ZNF536: variants seen among roughly 807,000 people sequenced by gnomAD.
ZNF536 encodes the protein zinc finger protein 536.
In ZNF536, 13 loss-of-function variants were observed where a neutral mutation model predicts 84.5. The ratio of observed to expected loss-of-function variants is 0.15; its 90% CI spans 0.10 to 0.24. The LOEUF is 0.24. ZNF536 is among the 10% of genes least tolerant of loss of function. The pLI is 1.00. For missense variants in ZNF536, 1,536 were observed against 1,747.5 expected, an observed-to-expected ratio of 0.88 and a Z score of 2.16; for synonymous variants, 811 against 742.5, an observed-to-expected ratio of 1.09 and a Z score of -1.50.
rs186298565 is a variant in ZNF536 at position 30,416,051 on chromosome 19, C to G, written c.-2-27510C>G. On this transcript the variant is annotated intron_variant, in intron 1 of 4. Transcript: ENST00000355537. ...CATTTCATTATTTTTGTACTACTTT[C>G]ACATGATCTTTCATGTCAGGAATTT... Among the ~76,000 whole-genome samples the G allele has an allele frequency of 2.2e-4, 33 of 152,292 alleles. 1 individual carries two copies. The East Asian group carries it at 5.2e-3, about 24-fold the overall frequency.
upstream of ZNF536, among the ~76,000 whole-genome samples, chr19:30,370,591 C>T (rs2048579428): frequency 6.6e-6 from 1 of 152,168 alleles, no homozygotes; most frequent in Admixed American, 6.5e-5. Context: ...AAACAGCAGA[C>T]AGTGTTCTCT....
At chr19:30,312,863 C>A (rs987969263) in intron 2 of ZNF536, among the ~76,000 whole-genome samples, 1 of 152,254 alleles carries the variant, frequency 6.6e-6, no homozygotes, top group African/African-American at 2.4e-5. Context: ...TGACCTCAGG[C>A]AGCCTCCCTC....
At chr19:30,425,000 G>T (rs995611978) in intron 1 of ZNF536, among the ~76,000 whole-genome samples, 3 of 152,094 alleles carry the variant, frequency 2.0e-5, no homozygotes, top group African/African-American at 7.2e-5. Context: ...GCTTAGGATG[G>T]TCAAGATTTA....
At chr19:30,351,935 G>A (rs939218955) in intron 2 of ZNF536, among the ~76,000 whole-genome samples, 2 of 152,178 alleles carry the variant, frequency 1.3e-5, no homozygotes, top group African/African-American at 2.4e-5. Context: ...GGGACTTCCC[G>A]CTCCTGCCAA....
chr19:30,419,452 T>G (rs1210822550), intron 1 of ZNF536, among the ~76,000 whole-genome samples: 1 of 152,182 alleles, frequency 6.6e-6, no homozygotes, highest in Admixed American at 6.5e-5. Context: ...TATACCAGTT[T>G]TCACTCCTTC....
At position 30,557,176 on chromosome 19, in the gene ZNF536, C is replaced by T. The variant is rs1483471731; in HGVS notation, c.*12C>T. On this transcript the variant is annotated 3_prime_UTR_variant, in exon 5 of 5. Transcript: ENST00000355537. The stretch of plus-strand genomic sequence containing the variant: ...TTGCAGGTAAGTGACACTCCCTGTC[C>T]TAGTCGGTCTATCTGGACTTGCCCT... 4 of 1,613,654 alleles carry T rather than the reference C, an allele frequency of 2.5e-6. No homozygotes were observed. The South Asian group carries it at 3.3e-5, about 13-fold the overall frequency.
At chr19:30,345,435 T>C (rs1439941200) in intron 2 of ZNF536, among the ~76,000 whole-genome samples, 1 of 152,258 alleles carries the variant, frequency 6.6e-6, no homozygotes, top group African/African-American at 2.4e-5. Flanking sequence ...TGGACACACA[T>C]TGATTTAAGG....
intron 1 of ZNF536, among the ~76,000 whole-genome samples, chr19:30,254,086 G>A (rs1568532110): frequency 6.6e-6 from 1 of 152,146 alleles, no homozygotes; most frequent in Non-Finnish European, 1.5e-5. Context: ...AAGATGAGTT[G>A]CACTTTAGCC....
intron 1 of ZNF536, among the ~76,000 whole-genome samples, chr19:30,414,800 A>G (rs2050642990): frequency 6.6e-6 from 1 of 152,188 alleles, no homozygotes; most frequent in Admixed American, 6.5e-5. Context: ...AAAACCTTTA[A>G]TGATTTCAGA....
At chr19:30,374,686 T>G (rs564871462) in intron 1 of ZNF536, among the ~76,000 whole-genome samples, 3 of 9,306 alleles carry the variant, frequency 3.2e-4, no homozygotes, top group South Asian at 1.2e-3. Flanking sequence ...ACAAACTGAG[T>G]GTTGTTTTTT....
At chr19:30,630,960 G>T (rs1226587994) in intron 1 of ZNF536, among the ~76,000 whole-genome samples, 4 of 152,232 alleles carry the variant, frequency 2.6e-5, no homozygotes, top group African/African-American at 2.4e-5. Flanking sequence ...TGGACAAAGG[G>T]ATGTCTGCTG....
At chr19:30,642,915 C>G (rs906769891) in intron 1 of ZNF536, among the ~76,000 whole-genome samples, 3 of 152,138 alleles carry the variant, frequency 2.0e-5, no homozygotes, top group African/African-American at 7.2e-5. Context: ...ACTGAGGTGT[C>G]TGTCTAACAA....
chr19:30,472,308 A>G (rs2053670011), intron 2 of ZNF536, among the ~76,000 whole-genome samples: 1 of 152,196 alleles, frequency 6.6e-6, no homozygotes, highest in Non-Finnish European at 1.5e-5. Context: ...TTCCAGGAGT[A>G]CCTGCGGAAG....
chr19:30,458,949 C>T (rs1037816554), intron 2 of ZNF536, among the ~76,000 whole-genome samples: 13 of 152,188 alleles, frequency 8.5e-5, no homozygotes, highest in Admixed American at 3.9e-4. Flanking sequence ...TTACCCAGCA[C>T]GTCTGTGAGT....
intron 1 of ZNF536, among the ~76,000 whole-genome samples, chr19:30,619,016 A>G (rs1031523851): frequency 1.3e-5 from 2 of 152,164 alleles, no homozygotes; most frequent in Admixed American, 1.3e-4. Flanking sequence ...GTTTTATTAC[A>G]TGAATATGCT....
At chr19:30,595,477 G>A (rs904350993) in intron 1 of ZNF536, among the ~76,000 whole-genome samples, 1 of 151,904 alleles carries the variant, frequency 6.6e-6, no homozygotes, top group African/African-American at 2.4e-5. Flanking sequence ...TTGTAGATAT[G>A]GGGTCTCTCT....
intron 3 of ZNF536, among the ~76,000 whole-genome samples, chr19:30,539,798 C>T (rs554239016): frequency 3.9e-5 from 6 of 152,280 alleles, no homozygotes; most frequent in South Asian, 2.1e-4. Flanking sequence ...GGAGGCGTGA[C>T]CCCCTGGTGG....
intron 1 of ZNF536, among the ~76,000 whole-genome samples, chr19:30,686,677 G>A (rs2051198260): frequency 6.6e-6 from 1 of 152,102 alleles, no homozygotes; most frequent in Non-Finnish European, 1.5e-5. Context: ...GTATCTGCGC[G>A]CGTCTTCATG....
At chr19:30,511,135 C>G (rs2055397400) in intron 2 of ZNF536, among the ~76,000 whole-genome samples, 1 of 152,132 alleles carries the variant, frequency 6.6e-6, no homozygotes, top group Non-Finnish European at 1.5e-5. Context: ...ATGGGCTGCT[C>G]CTGGCAGAGC....
Sources: gnomAD v4.1 joint callset for allele counts (sites outside exome capture counted in the v4.1 genomes callset) on GRCh38, gnomAD v4.1.1 for gene constraint, MANE v1.5 for transcripts, NCBI Gene and HGNC (gene_info 2026-07-23, HGNC 2026-07-21) for gene names.